Variants in ARMH3 observed in about 807,000 individuals in gnomAD.
ARMH3 encodes the protein armadillo-like helical domain-containing protein 3.
A neutral mutation model predicts 99.1 loss-of-function variants in ARMH3; 60 were observed. That is an observed-to-expected ratio of 0.61 (90% CI 0.49 to 0.75). ARMH3 has a LOEUF of 0.75. ARMH3 is among the 30% of genes least tolerant of loss of function. The probability of loss-of-function intolerance (pLI) is 0.00; values close to 1 mark genes in which losing one functional copy is unlikely to be tolerated. For missense variants in ARMH3, 679 were observed against 843.1 expected, an observed-to-expected ratio of 0.81 and a Z score of 2.41; for synonymous variants, 285 against 292.8, an observed-to-expected ratio of 0.97 and a Z score of 0.27.
chr10:101,990,414 G>A (rs182215101), intron 19 of ARMH3, 137 bp downstream of exon 19: 13 of 566,398 alleles, frequency 2.3e-5, no homozygotes, highest in Admixed American at 3.2e-5. Flanking sequence ...CTTGTGATCC[G>A]CCCGCCTCGG....
chr10:102,004,581 T>G (rs879726603), intron 14 of ARMH3, among the ~76,000 whole-genome samples: 1 of 152,184 alleles, frequency 6.6e-6, no homozygotes, highest in Admixed American at 6.5e-5. Flanking sequence ...AATGAACAGT[T>G]TGAAAGGCAG....
chr10:101,986,561 C>T (rs1350183646), intron 19 of ARMH3, among the ~76,000 whole-genome samples: 2 of 151,832 alleles, frequency 1.3e-5, no homozygotes, highest in Admixed American at 1.3e-4. Context: ...AGTATTAAGT[C>T]TTTCCAAACT....
chr10:101,873,349 T>C (rs1183394427), intron 24 of ARMH3, among the ~76,000 whole-genome samples: 4 of 151,854 alleles, frequency 2.6e-5, no homozygotes, highest in East Asian at 1.9e-4. Context: ...GAGGCAGAGG[T>C]TGCAGTGAGC....
At chr10:102,054,483 C>G (rs1305875823) in intron 1 of ARMH3, among the ~76,000 whole-genome samples, 1 of 152,106 alleles carries the variant, frequency 6.6e-6, no homozygotes, top group Non-Finnish European at 1.5e-5. Flanking sequence ...AATGGGTATT[C>G]CCCCTTTACA....
chr10:101,990,183 T>C (rs1054863270), intron 19 of ARMH3, among the ~76,000 whole-genome samples: 9 of 149,436 alleles, frequency 6.0e-5, no homozygotes, highest in Admixed American at 2.7e-4. Flanking sequence ...AACTTTCTTT[T>C]TTTTTTTTTT....
At chr10:101,908,892 A>ACCTCAGGCGATCCACCCG (rs1842754672) in intron 23 of ARMH3, among the ~76,000 whole-genome samples, 1 of 151,486 alleles carries the variant, frequency 6.6e-6, no homozygotes, top group Admixed American at 6.6e-5. Flanking sequence ...CGCACTCCTG[A>ACCTCAGGCGATCCACCCG]CCTCAGGCGA....
chr10:102,044,538 T>C (rs1013838332), intron 1 of ARMH3, among the ~76,000 whole-genome samples: 1 of 151,956 alleles, frequency 6.6e-6, no homozygotes, highest in South Asian at 2.1e-4. Flanking sequence ...ACCCAGCTAA[T>C]TTTTTGTATT....
At chr10:101,937,400 T>C (rs922537342) in intron 23 of ARMH3, among the ~76,000 whole-genome samples, 1 of 151,772 alleles carries the variant, frequency 6.6e-6, no homozygotes, top group African/African-American at 2.4e-5. Context: ...GTGCCTATAG[T>C]CCCACCTACT....
At chr10:102,012,752 G>T in intron 10 of ARMH3, 81 bp downstream of exon 10, 2 of 1,364,884 alleles carry the variant, frequency 1.5e-6, no homozygotes, top group South Asian at 1.3e-5. Context: ...AAGGGAATTT[G>T]ACCCAAGAAC....
chr10:101,900,233 A>G (rs2067942105), intron 23 of ARMH3, among the ~76,000 whole-genome samples: 1 of 152,200 alleles, frequency 6.6e-6, no homozygotes, highest in South Asian at 2.1e-4. Context: ...GGGCTACAGA[A>G]TGAAAACCTC....
At chr10:101,896,231 A>AAAACAAAC (rs142465399) in intron 23 of ARMH3, among the ~76,000 whole-genome samples, 31 of 151,750 alleles carry the variant, frequency 2.0e-4, no homozygotes, top group African/African-American at 5.8e-4. Flanking sequence ...CCCTGTCTCA[A>AAAACAAAC]AAACAAACAA....
chr10:101,881,286 A>T (rs1292041915), intron 24 of ARMH3, among the ~76,000 whole-genome samples: 1 of 152,094 alleles, frequency 6.6e-6, no homozygotes, highest in Non-Finnish European at 1.5e-5. Flanking sequence ...TTCCCAGAAA[A>T]TTTCTAAATT....
chr10:102,028,034 T>C (rs1437097424), intron 5 of ARMH3, among the ~76,000 whole-genome samples: 1 of 149,916 alleles, frequency 6.7e-6, no homozygotes, highest in Non-Finnish European at 1.5e-5. Flanking sequence ...GGACAAAGGA[T>C]ATGAAAGACT....
chr10:101,851,693 G>A (rs1421502737), intron 24 of ARMH3, among the ~76,000 whole-genome samples: 5 of 152,218 alleles, frequency 3.3e-5, no homozygotes, highest in African/African-American at 1.2e-4. Context: ...AGAGGGCACA[G>A]GGAAGGCTTG....
chr10:101,897,297 C>T (rs1351032880), intron 23 of ARMH3, among the ~76,000 whole-genome samples: 1 of 152,198 alleles, frequency 6.6e-6, no homozygotes, highest in Non-Finnish European at 1.5e-5. Flanking sequence ...ATTTATTTTG[C>T]TCACCAATAT....
At chr10:101,847,966 T>A (rs758714137) in intron 25 of ARMH3, among the ~76,000 whole-genome samples, 1 of 152,148 alleles carries the variant, frequency 6.6e-6, no homozygotes, top group Non-Finnish European at 1.5e-5. Flanking sequence ...TGCTCAGTGA[T>A]CTGATGGAGG....
At chr10:101,933,612 T>C (rs1318031872) in intron 23 of ARMH3, among the ~76,000 whole-genome samples, 1 of 152,196 alleles carries the variant, frequency 6.6e-6, no homozygotes, top group African/African-American at 2.4e-5. Context: ...GGGTAAACAA[T>C]ATTATACCAG....
chr10:101,886,341 C>T (rs573073857), intron 24 of ARMH3, among the ~76,000 whole-genome samples: 1 of 139,288 alleles, frequency 7.2e-6, no homozygotes, highest in African/African-American at 2.6e-5. Context: ...TGGCGAAACC[C>T]TACTTAAAAA....
intron 24 of ARMH3, among the ~76,000 whole-genome samples, chr10:101,853,925 C>A (rs1019338121): frequency 6.6e-6 from 1 of 152,122 alleles, no homozygotes; most frequent in African/African-American, 2.4e-5. Flanking sequence ...CCAGCCTGGC[C>A]AAGATGGTGA....
Sources: allele counts gnomAD v4.1 joint callset (sites outside exome capture counted in the v4.1 genomes callset), GRCh38; gene constraint gnomAD v4.1.1; transcripts MANE v1.5; gene names NCBI Gene and HGNC (gene_info 2026-07-23, HGNC 2026-07-21).